Variants in CHRM3 observed in about 807,000 individuals in gnomAD.
CHRM3 encodes the protein muscarinic acetylcholine receptor M3.
In CHRM3, 11 loss-of-function variants were observed where a neutral mutation model predicts 41.8. The ratio of observed to expected loss-of-function variants is 0.26; its 90% CI spans 0.17 to 0.44. The LOEUF is 0.44. Ranked by LOEUF, CHRM3 falls within the 20% of genes least tolerant of loss-of-function variation. The pLI is 1.00. For missense variants in CHRM3, 571 were observed against 745.4 expected, an observed-to-expected ratio of 0.77 and a Z score of 2.72; for synonymous variants, 297 against 301.4, an observed-to-expected ratio of 0.99 and a Z score of 0.15.
intron 4 of CHRM3, among the ~76,000 whole-genome samples, chr1:239,656,818 A>T (rs1312663777): frequency 1.3e-5 from 2 of 152,100 alleles, no homozygotes; most frequent in East Asian, 3.9e-4. Context: ...TTGTTTTTAT[A>T]GTTTCTTTGT....
chr1:239,668,633 T>A (rs1674059712), intron 4 of CHRM3, among the ~76,000 whole-genome samples: 1 of 152,216 alleles, frequency 6.6e-6, no homozygotes, highest in Non-Finnish European at 1.5e-5. Context: ...GAATTTTGTA[T>A]TGCCTCTGTA....
intron 6 of CHRM3, among the ~76,000 whole-genome samples, chr1:239,859,309 A>G (rs1675382325): frequency 6.6e-6 from 1 of 151,880 alleles, no homozygotes; most frequent in Admixed American, 6.6e-5. Context: ...CCTGTTGGCC[A>G]TAAAGTGGTA....
chr1:239,843,867 A>ATG (rs888850765), intron 6 of CHRM3, among the ~76,000 whole-genome samples: 4 of 151,682 alleles, frequency 2.6e-5, no homozygotes, highest in East Asian at 3.9e-4. Flanking sequence ...ATATGTGTGT[A>ATG]TGTGTGTGTG....
chr1:239,515,092 A>G (rs545738708), intron 2 of CHRM3, among the ~76,000 whole-genome samples: 1 of 152,134 alleles, frequency 6.6e-6, no homozygotes, highest in Non-Finnish European at 1.5e-5. Flanking sequence ...ACATCAAAAT[A>G]TTCTGATTTT....
chr1:239,611,623 G>A (rs910094594), intron 3 of CHRM3, among the ~76,000 whole-genome samples: 1 of 151,976 alleles, frequency 6.6e-6, no homozygotes, highest in Non-Finnish European at 1.5e-5. Flanking sequence ...GTTTCACCAT[G>A]TTGGCCAGGA....
chr1:239,900,358 A>G (rs1679426288), intron 6 of CHRM3, among the ~76,000 whole-genome samples: 2 of 151,352 alleles, frequency 1.3e-5, no homozygotes, highest in South Asian at 4.2e-4. Context: ...CTCATTTCTA[A>G]TAAGTACTTT....
intron 3 of CHRM3, among the ~76,000 whole-genome samples, chr1:239,576,788 TA>T (rs529490070): frequency 0.025 from 3,322 of 133,254 alleles, 39 homozygotes; most frequent in South Asian, 0.045. Context: ...AGACCCTATC[TA>T]AAAAAAAAAA....
At chr1:239,898,561 T>C (rs1298282925) in intron 6 of CHRM3, among the ~76,000 whole-genome samples, 7 of 152,128 alleles carry the variant, frequency 4.6e-5, no homozygotes, top group African/African-American at 1.7e-4. Context: ...ATATTTTGGG[T>C]TTTTCCCATA....
chr1:239,898,996 A>G (rs1679249585), intron 6 of CHRM3, among the ~76,000 whole-genome samples: 1 of 152,086 alleles, frequency 6.6e-6, no homozygotes, highest in African/African-American at 2.4e-5. Context: ...CTTTTTTCAC[A>G]TTTTTTGTTT....
At chr1:239,882,952 A>G (rs1247711922) in intron 6 of CHRM3, among the ~76,000 whole-genome samples, 2 of 152,238 alleles carry the variant, frequency 1.3e-5, no homozygotes, top group African/African-American at 4.8e-5. Flanking sequence ...GGCTCTTCGC[A>G]GAGAAAGGCA....
intron 6 of CHRM3, among the ~76,000 whole-genome samples, chr1:239,842,287 T>G: frequency 6.6e-6 from 1 of 151,552 alleles, no homozygotes; most frequent in South Asian, 2.1e-4. Flanking sequence ...AGTGATGAGA[T>G]CTCAGCTCAC....
At chr1:239,843,447 C>CTT (rs34901177) in intron 6 of CHRM3, among the ~76,000 whole-genome samples, 21 of 81,216 alleles carry the variant, frequency 2.6e-4, no homozygotes, top group Admixed American at 8.1e-4. Flanking sequence ...ACTCGCTTTC[C>CTT]TTTTTTTTTT....
chr1:239,730,582 T>G (rs1195293380), intron 5 of CHRM3: 1 of 151,870 alleles, frequency 6.6e-6, no homozygotes. Context: ...TGGGCATTCT[T>G]GTAGAGGGAA....
At chr1:239,874,077 G>A (rs1439300290) in intron 6 of CHRM3, among the ~76,000 whole-genome samples, 1 of 151,622 alleles carries the variant, frequency 6.6e-6, no homozygotes, top group Non-Finnish European at 1.5e-5. Context: ...TTGTAGCTGA[G>A]GAAACTGAGG....
chr1:239,455,552 G>A (rs1664868258), intron 1 of CHRM3, among the ~76,000 whole-genome samples: 2 of 152,076 alleles, frequency 1.3e-5, no homozygotes, highest in Admixed American at 1.3e-4. Context: ...CTAAGTTACG[G>A]TGTGTGTTTC....
intron 3 of CHRM3, among the ~76,000 whole-genome samples, chr1:239,627,875 G>C (rs1347835734): frequency 6.6e-6 from 1 of 151,068 alleles, no homozygotes; most frequent in Non-Finnish European, 1.5e-5. Flanking sequence ...GAGATCCGCT[G>C]TTAGTCTGAT....
chr1:239,712,212 G>A (rs1426682683), intron 5 of CHRM3, among the ~76,000 whole-genome samples: 2 of 152,088 alleles, frequency 1.3e-5, no homozygotes, highest in East Asian at 3.9e-4. Flanking sequence ...AATTGTCCCA[G>A]TTATCTTGGT....
chr1:239,446,152 G>A (rs1269352072), intron 1 of CHRM3, among the ~76,000 whole-genome samples: 1 of 152,136 alleles, frequency 6.6e-6, no homozygotes, highest in Non-Finnish European at 1.5e-5. Flanking sequence ...GGCCAGGATG[G>A]TCTTGATCTC....
At chr1:239,660,421 T>A (rs879755026) in intron 4 of CHRM3, among the ~76,000 whole-genome samples, 3 of 152,222 alleles carry the variant, frequency 2.0e-5, no homozygotes, top group Non-Finnish European at 4.4e-5. Flanking sequence ...TCACTTACAT[T>A]TCTTCAAGGC....
Sources: gnomAD v4.1 joint callset for allele counts (sites outside exome capture counted in the v4.1 genomes callset) on GRCh38, gnomAD v4.1.1 for gene constraint, MANE v1.5 for transcripts, NCBI Gene and HGNC (gene_info 2026-07-23, HGNC 2026-07-21) for gene names.